The following THSD7B variants were observed in gnomAD, a reference collection of about 807,000 sequenced individuals.
THSD7B encodes thrombospondin type-1 domain-containing protein 7B.
A neutral mutation model predicts 213.6 loss-of-function variants in THSD7B; 138 were observed. The observed-to-expected ratio is 0.65, with a 90% confidence interval of 0.56 to 0.74. THSD7B has a LOEUF of 0.74. THSD7B is among the 30% of genes least tolerant of loss of function. THSD7B has a pLI of 0.00. For synonymous variants in THSD7B, 742 were observed against 687.0 expected (o/e 1.08, Z -1.25); for missense variants, 1,931 against 1,991.5 (o/e 0.97, Z 0.58).
At chr2:136,907,133 C>T (rs953112680) in intron 2 of THSD7B, among the ~76,000 whole-genome samples, 16 of 151,434 alleles carry the variant, frequency 1.1e-4, no homozygotes, top group Admixed American at 3.3e-4. Flanking sequence ...TTAGTAGAAA[C>T]GGGATTTCGC....
chr2:137,236,689 G>A (rs897893894), intron 9 of THSD7B, among the ~76,000 whole-genome samples: 1 of 152,148 alleles, frequency 6.6e-6, no homozygotes, highest in Non-Finnish European at 1.5e-5. Flanking sequence ...AGCTTGGCAG[G>A]TTTCCCCATC....
intron 7 of THSD7B, among the ~76,000 whole-genome samples, chr2:137,197,795 T>C (rs1223303703): frequency 6.6e-6 from 1 of 152,172 alleles, no homozygotes; most frequent in Non-Finnish European, 1.5e-5. Context: ...GTGTAGTCCA[T>C]GTTTGTGAAA....
At chr2:136,940,089 A>G (rs1344583417) in intron 2 of THSD7B, among the ~76,000 whole-genome samples, 1 of 152,146 alleles carries the variant, frequency 6.6e-6, no homozygotes, top group Non-Finnish European at 1.5e-5. Flanking sequence ...GTATAATGGT[A>G]AAGACTGAGC....
Position 137,268,333 on chromosome 2 carries a change from G to A in THSD7B, c.2267-4200G>A, listed in dbSNP as rs1354001309. On this transcript the variant is annotated intron_variant, in intron 10 of 27. Coordinates refer to ENST00000409968, the MANE Select transcript of THSD7B (RefSeq NM_001316349.2). ...CCCACCCCCCAACAGGCCCCAGTGT[G>A]TGATGTTCCCCGCCCTACGTCCAAG... Among the ~76,000 whole-genome samples, 3 of 147,006 alleles carry A rather than the reference G, an allele frequency of 2.0e-5. No homozygotes were observed. The East Asian group carries it at 6.1e-4, about 30-fold the overall frequency.
In THSD7B at chr2:137,033,287, G is replaced by C. The variant is rs148887653; in HGVS notation, c.140-23133G>C. On this transcript the variant is annotated intron_variant, in intron 2 of 27. Coordinates refer to ENST00000409968, the MANE Select transcript of THSD7B (RefSeq NM_001316349.2). ...AGAAGCTGGCTTATCTAAGATGGTT[G>C]TAAGTGGTGTGACTCCTCTCTGCTC... Among the ~76,000 whole-genome samples the C allele has an allele frequency of 2.7e-3, 409 of 152,314 alleles. 2 individuals are homozygous for C. Among genetic ancestry groups the C allele is most frequent in the Non-Finnish European group, 3.8e-3 (257 of 68,014 alleles).
At chr2:137,431,381 T>A (rs1687182730) in intron 14 of THSD7B, among the ~76,000 whole-genome samples, 1 of 152,198 alleles carries the variant, frequency 6.6e-6, no homozygotes, top group Non-Finnish European at 1.5e-5. Context: ...TGGCTGCCCT[T>A]AAAGACAATA....
intron 26 of THSD7B, 30 bp downstream of exon 26, chr2:137,663,605 A>G (rs1683394067): frequency 6.4e-7 from 1 of 1,566,134 alleles, no homozygotes; most frequent in Non-Finnish European, 8.7e-7. Flanking sequence ...AAGAAATGAA[A>G]ATTTTCTCAT....
intron 15 of THSD7B, among the ~76,000 whole-genome samples, chr2:137,549,308 CTCTTTTTTTTTTTTTT>C (rs1355726385): frequency 4.0e-5 from 4 of 100,148 alleles, no homozygotes; most frequent in African/African-American, 1.3e-4. Flanking sequence ...TTTTCAGATG[CTCTTTTTTTTTTTTTT>C]TTTTTTTTTT....
chr2:137,481,652 A>C (rs1375263732), intron 15 of THSD7B, among the ~76,000 whole-genome samples: 1 of 152,250 alleles, frequency 6.6e-6, no homozygotes, highest in Non-Finnish European at 1.5e-5. Flanking sequence ...ATAAACATGA[A>C]TGTGTTCTAA....
rs1421131733 is a variant in THSD7B at position 137,545,606 on chromosome 2, A to G, written c.3139-17615A>G. Among the ~76,000 whole-genome samples the G allele has an allele frequency of 2.0e-5, 3 of 151,976 alleles. 1 individual carries two copies. Among genetic ancestry groups the G allele is most frequent in the Admixed American group, 2.0e-4 (3 of 15,240 alleles). On this transcript the variant is annotated intron_variant, in intron 15 of 27. Transcript: ENST00000409968. ...CTGCCCATCTCCTAAATTGCTCTAC[A>G]GATGGCATTCATTAAATCAAAGCAG...
chr2:137,347,313 C>T (rs2104915438), intron 12 of THSD7B, among the ~76,000 whole-genome samples: 1 of 151,844 alleles, frequency 6.6e-6, no homozygotes, highest in South Asian at 2.1e-4. Flanking sequence ...AGAAACAGAA[C>T]ATTCCTGTAA....
intron 9 of THSD7B, among the ~76,000 whole-genome samples, chr2:137,241,800 T>C (rs1286836233): frequency 6.6e-6 from 1 of 151,914 alleles, no homozygotes; most frequent in Admixed American, 6.5e-5. Context: ...TCCCAGCTAC[T>C]TGAGAGGCTG....
At chr2:137,246,229 T>A (rs2105068823) in intron 10 of THSD7B, among the ~76,000 whole-genome samples, 1 of 152,260 alleles carries the variant, frequency 6.6e-6, no homozygotes, top group Middle Eastern at 3.4e-3. Flanking sequence ...CTCCTTTTTT[T>A]GTTTTGTGGC....
At chr2:137,272,441 ATCTC>A (rs1022821172) in intron 10 of THSD7B, 88 bp from the exon 11 acceptor site, 1 of 1,320,630 alleles carries the variant, frequency 7.6e-7, no homozygotes, top group African/African-American at 1.5e-5. Context: ...TGCTTACTTT[ATCTC>A]TCTCTCTTTT....
chr2:137,143,145 G>T (rs549906898), intron 5 of THSD7B, among the ~76,000 whole-genome samples: 1 of 152,060 alleles, frequency 6.6e-6, no homozygotes, highest in Non-Finnish European at 1.5e-5. Context: ...ATTATGCCCT[G>T]GCTATGCCTG....
intron 2 of THSD7B, among the ~76,000 whole-genome samples, chr2:136,977,002 C>A (rs1685491979): frequency 6.6e-6 from 1 of 152,108 alleles, no homozygotes; most frequent in Non-Finnish European, 1.5e-5. Flanking sequence ...AGGGGAGAGT[C>A]CCTCCTTTTA....
At chr2:136,875,316 G>A (rs1285688750) in intron 1 of THSD7B, among the ~76,000 whole-genome samples, 1 of 152,122 alleles carries the variant, frequency 6.6e-6, no homozygotes, top group Non-Finnish European at 1.5e-5. Flanking sequence ...CAGCTGCTCG[G>A]GAGGCTGAGA....
intron 2 of THSD7B, among the ~76,000 whole-genome samples, chr2:136,961,112 G>C (rs1184517852): frequency 2.2e-5 from 2 of 89,922 alleles, no homozygotes; most frequent in African/African-American, 3.8e-5. Context: ...AAAAAAAAAA[G>C]AGAAAATGTG....
chr2:136,952,869 G>A (rs562824388), intron 2 of THSD7B, among the ~76,000 whole-genome samples: 1 of 152,216 alleles, frequency 6.6e-6, no homozygotes, highest in African/African-American at 2.4e-5. Context: ...CTTCTCCCTT[G>A]TGGATATCTG....
Sources: allele counts gnomAD v4.1 joint callset (sites outside exome capture counted in the v4.1 genomes callset), GRCh38; gene constraint gnomAD v4.1.1; transcripts MANE v1.5; gene names NCBI Gene and HGNC (gene_info 2026-07-23, HGNC 2026-07-21).